RGS7: variants seen among roughly 807,000 people sequenced by gnomAD.
The protein encoded by RGS7 is regulator of G protein signaling 7.
A neutral mutation model predicts 81.1 loss-of-function variants in RGS7; 27 were observed. The ratio of observed to expected loss-of-function variants is 0.33; its 90% confidence interval spans 0.25 to 0.46. The LOEUF is 0.46. Ranked by LOEUF, RGS7 falls within the 20% of genes least tolerant of loss-of-function variation. RGS7 has a pLI of 1.00. For missense variants in RGS7, 396 were observed against 607.4 expected, an observed-to-expected ratio of 0.65 and a Z score of 3.66; for synonymous variants, 208 against 207.7, an observed-to-expected ratio of 1.00 and a Z score of -0.01.
chr1:240,892,719 C>A (rs1184675987), intron 6 of RGS7, among the ~76,000 whole-genome samples: 1 of 152,128 alleles, frequency 6.6e-6, no homozygotes, highest in African/African-American at 2.4e-5. Flanking sequence ...TCAAGCTGAA[C>A]CAATCTGGCT....
At chr1:241,010,526 C>T (rs1055234386) in intron 3 of RGS7, among the ~76,000 whole-genome samples, 1 of 152,184 alleles carries the variant, frequency 6.6e-6, no homozygotes, top group African/African-American at 2.4e-5. Flanking sequence ...GGAATCATTG[C>T]TGATCGTTTG....
chr1:241,356,036 T>C (rs931253899), intron 1 of RGS7, among the ~76,000 whole-genome samples: 10 of 152,180 alleles, frequency 6.6e-5, no homozygotes, highest in African/African-American at 2.4e-4. Flanking sequence ...CAGGTAGAAA[T>C]AGCCATTTGG....
At chr1:240,816,519 C>A in intron 10 of RGS7, 104 bp from the exon 11 acceptor site, 1 of 757,116 alleles carries the variant, frequency 1.3e-6, no homozygotes, top group Non-Finnish European at 2.3e-6. Flanking sequence ...TCTCTCAAAG[C>A]TTATTTGATT....
intron 2 of RGS7, among the ~76,000 whole-genome samples, chr1:241,127,374 G>A (rs6696557): frequency 0.43 from 65,693 of 152,004 alleles, 18,381 homozygotes; most frequent in African/African-American, 0.81. Context: ...ATGAAGCTAA[G>A]AATAAATTAC....
chr1:241,192,860 G>A (rs2072786467), intron 2 of RGS7, among the ~76,000 whole-genome samples: 1 of 152,144 alleles, frequency 6.6e-6, no homozygotes, highest in Admixed American at 6.5e-5. Flanking sequence ...CATCTAGCCA[G>A]TAGAGATATT....
Position 240,813,615 on chromosome 1 carries a change from T to C in RGS7, c.956+3A>G. 1.9e-6 allele frequency: 3 copies of C among 1,583,472 alleles called. No individual in the cohort carries two copies. Among genetic ancestry groups the C allele is most frequent in the Non-Finnish European group, 2.6e-6 (3 of 1,152,038 alleles). On this transcript the variant is annotated splice_donor_region_variant and intron_variant, in intron 13 of 18. Transcript: ENST00000440928. ...TGGGCGAGAAAGATAAAATGCCACCTACCTTGCCTCAAGTTCCCAGAAAGT... is the reference window on the plus strand; with the variant it reads ...TGGGCGAGAAAGATAAAATGCCACCCACCTTGCCTCAAGTTCCCAGAAAGT...
intron 2 of RGS7, among the ~76,000 whole-genome samples, chr1:241,301,771 C>T (rs1243700368): frequency 6.6e-6 from 1 of 152,174 alleles, no homozygotes; most frequent in East Asian, 1.9e-4. Flanking sequence ...TCTACCTCTG[C>T]ACTTAAGTGT....
At chr1:241,332,857 AC>A (rs1193359490) in intron 2 of RGS7, among the ~76,000 whole-genome samples, 2 of 152,164 alleles carry the variant, frequency 1.3e-5, no homozygotes, top group African/African-American at 2.4e-5. Flanking sequence ...CACCTTCAGA[AC>A]CACCTAGGAG....
chr1:240,813,897 T>C (rs74813341), intron 12 of RGS7, among the ~76,000 whole-genome samples, 169 bp from the exon 13 acceptor site: 2,262 of 152,290 alleles, frequency 0.015, 63 homozygotes, highest in African/African-American at 0.052. Context: ...CAACAACTTA[T>C]TGTGCTTCTT....
chr1:241,162,847 A>C (rs1454294448), intron 2 of RGS7, among the ~76,000 whole-genome samples: 3 of 152,202 alleles, frequency 2.0e-5, no homozygotes, highest in African/African-American at 7.2e-5. Flanking sequence ...TAATAAATAC[A>C]AGAGGAGAAT....
intron 2 of RGS7, chr1:241,305,562 T>C (rs2080045026): frequency 6.6e-6 from 1 of 151,564 alleles, no homozygotes; most frequent in South Asian, 2.1e-4. Context: ...GGTTTTCTTA[T>C]GCAAGGGGGA....
At chr1:241,348,234 G>A (rs1452206199) in intron 2 of RGS7, among the ~76,000 whole-genome samples, 1 of 152,204 alleles carries the variant, frequency 6.6e-6, no homozygotes, top group Admixed American at 6.5e-5. Flanking sequence ...AGTTCTATTG[G>A]ACAGCATCGC....
At chr1:241,156,083 C>A (rs1437904150) in intron 2 of RGS7, among the ~76,000 whole-genome samples, 1 of 106,232 alleles carries the variant, frequency 9.4e-6, no homozygotes, top group Admixed American at 8.7e-5. Context: ...CACGCACGCA[C>A]ACACACACAC....
chr1:240,812,326 T>C (rs2103099915), intron 13 of RGS7, among the ~76,000 whole-genome samples: 1 of 152,278 alleles, frequency 6.6e-6, no homozygotes, highest in South Asian at 2.1e-4. Flanking sequence ...ATTAATCTTA[T>C]TATTTTCCAG....
chr1:240,886,646 A>G (rs1013216036), intron 6 of RGS7, among the ~76,000 whole-genome samples: 4 of 152,132 alleles, frequency 2.6e-5, no homozygotes, highest in African/African-American at 9.7e-5. Flanking sequence ...ACATAAGCAG[A>G]GTGTTAAAAA....
chr1:241,102,892 G>A (rs1318485934), intron 2 of RGS7, among the ~76,000 whole-genome samples: 2 of 151,564 alleles, frequency 1.3e-5, no homozygotes, highest in African/African-American at 4.9e-5. Context: ...ATGTTCCCTC[G>A]AGCATTCACT....
intron 2 of RGS7, among the ~76,000 whole-genome samples, chr1:241,258,855 TCA>T (rs2077169636): frequency 6.6e-6 from 1 of 152,194 alleles, no homozygotes; most frequent in Admixed American, 6.5e-5. Context: ...ACGTGATAAT[TCA>T]CAGAGTATTA....
intron 2 of RGS7, among the ~76,000 whole-genome samples, chr1:241,247,857 T>G (rs1227430179): frequency 3.9e-5 from 6 of 152,212 alleles, no homozygotes; most frequent in Admixed American, 2.0e-4. Flanking sequence ...CATGTAGGCT[T>G]TCCTGATAAA....
chr1:241,100,233 G>A (rs1399435742), intron 2 of RGS7, among the ~76,000 whole-genome samples: 1 of 152,104 alleles, frequency 6.6e-6, no homozygotes, highest in African/African-American at 2.4e-5. Flanking sequence ...AAATTAGCCG[G>A]GCGCGGTGGC....
Sources: gnomAD v4.1 joint callset for allele counts (sites outside exome capture counted in the v4.1 genomes callset) on GRCh38, gnomAD v4.1.1 for gene constraint, MANE v1.5 for transcripts, NCBI Gene and HGNC (gene_info 2026-07-23, HGNC 2026-07-21) for gene names.